Variants in CPED1 observed in about 807,000 individuals in gnomAD.
CPED1 encodes the protein cadherin-like and PC-esterase domain-containing protein 1.
A neutral mutation model predicts 128.2 loss-of-function variants in CPED1; 114 were observed. The observed-to-expected ratio is 0.89, with a 90% confidence interval of 0.76 to 1.04. The LOEUF (loss-of-function observed/expected upper bound fraction) is 1.04, where lower values mean the gene tolerates loss of function less well. Among genes scored for constraint, CPED1 ranks in the 50% least tolerant of loss-of-function variants. The pLI, the probability that CPED1 is intolerant of heterozygous loss-of-function variation, is 0.00. For synonymous variants in CPED1, 462 were observed against 426.7 expected, an observed-to-expected ratio of 1.08 and a Z score of -1.02; for missense variants, 1,211 against 1,207.1, an observed-to-expected ratio of 1.00 and a Z score of -0.05.
At chr7:121,260,148 A>G (rs1791978208) in intron 18 of CPED1, among the ~76,000 whole-genome samples, 1 of 150,454 alleles carries the variant, frequency 6.6e-6, no homozygotes, top group Non-Finnish European at 1.5e-5. Context: ...GATAATGGCA[A>G]TGTAGACAAA....
At chr7:121,238,465 T>C (rs944608044) in intron 17 of CPED1, among the ~76,000 whole-genome samples, 2 of 152,104 alleles carry the variant, frequency 1.3e-5, no homozygotes, top group Non-Finnish European at 2.9e-5. Context: ...ATGCTGGAAG[T>C]CCTCTCCGGG....
chr7:121,036,990 T>C (rs1043927555), intron 3 of CPED1, among the ~76,000 whole-genome samples: 4 of 152,152 alleles, frequency 2.6e-5, no homozygotes, highest in African/African-American at 9.7e-5. Flanking sequence ...TGGGACTGTT[T>C]GTTTTGGTCT....
intron 16 of CPED1, among the ~76,000 whole-genome samples, chr7:121,198,730 G>A (rs1248503963): frequency 6.6e-6 from 1 of 152,132 alleles, no homozygotes; most frequent in Non-Finnish European, 1.5e-5. Context: ...GTGGTTACAA[G>A]ATACCACGTG....
chr7:121,164,890 C>G (rs1796489283), intron 16 of CPED1, among the ~76,000 whole-genome samples: 16 of 152,186 alleles, frequency 1.1e-4, no homozygotes, highest in Admixed American at 1.0e-3. Flanking sequence ...CTTCCCAAAA[C>G]TTGACTTCTA....
In CPED1 at chr7:121,236,668, G is replaced by T. The variant is rs753650762; in HGVS notation, c.2056-46G>T. ...TATTTTTTAGATTTTATTATTATGG[G>T]TCAAGTTAATTAATACAACAACTAA... On this transcript the variant is annotated intron_variant, in intron 16 of 22. Transcript: ENST00000310396. 4 of 1,164,372 alleles carry T rather than the reference G, an allele frequency of 3.4e-6. No individual in the cohort carries two copies. The East Asian group carries it at 7.4e-5, about 21-fold the overall frequency. The allele number at this position is 1,164,372 out of a possible 1,614,324, so 72.1% of individuals were successfully genotyped here.
At chr7:121,092,691 G>A (rs1794601821) in intron 5 of CPED1, among the ~76,000 whole-genome samples, 2 of 152,150 alleles carry the variant, frequency 1.3e-5, no homozygotes, top group Admixed American at 1.3e-4. Flanking sequence ...ATAGTAGTTA[G>A]GGGGTAGGAG....
At chr7:121,156,795 T>TA (rs141337957) in intron 16 of CPED1, among the ~76,000 whole-genome samples, 2 of 151,960 alleles carry the variant, frequency 1.3e-5, no homozygotes, top group Non-Finnish European at 2.9e-5. Context: ...TTTGTCTAAA[T>TA]AAAAAAATTA....
chr7:121,047,092 G>C (rs1460869742), intron 4 of CPED1, 99 bp downstream of exon 4: 1 of 704,818 alleles, frequency 1.4e-6, no homozygotes, highest in Non-Finnish European at 2.4e-6. Context: ...AAGAATTAGA[G>C]TCATTGTATC....
intron 16 of CPED1, among the ~76,000 whole-genome samples, chr7:121,217,546 T>C (rs1309217114): frequency 6.6e-6 from 1 of 152,074 alleles, no homozygotes; most frequent in Non-Finnish European, 1.5e-5. Flanking sequence ...TATTAAAGCA[T>C]TAAATGGACT....
intron 16 of CPED1, among the ~76,000 whole-genome samples, chr7:121,226,458 A>T (rs946263299): frequency 6.6e-6 from 1 of 152,050 alleles, no homozygotes; most frequent in Admixed American, 6.6e-5. Context: ...GATTATCTGG[A>T]TGTAGCATAA....
chr7:121,023,967 C>T (rs1008661804), intron 3 of CPED1, among the ~76,000 whole-genome samples: 6 of 151,990 alleles, frequency 3.9e-5, no homozygotes, highest in South Asian at 2.1e-4. Flanking sequence ...AGGCTTTGGA[C>T]GGTATCAGAA....
At chr7:120,994,568 A>G (rs1796361500) in intron 2 of CPED1, among the ~76,000 whole-genome samples, 1 of 152,096 alleles carries the variant, frequency 6.6e-6, no homozygotes, top group African/African-American at 2.4e-5. Flanking sequence ...TATGCAAATA[A>G]GAAATGAAAT....
At chr7:121,030,878 T>A (rs1792710618) in intron 3 of CPED1, among the ~76,000 whole-genome samples, 1 of 152,228 alleles carries the variant, frequency 6.6e-6, no homozygotes, top group South Asian at 2.1e-4. Flanking sequence ...TGCATTGTTC[T>A]ATGCACTTTA....
chr7:121,288,932 A>G (rs1489446021), intron 22 of CPED1, among the ~76,000 whole-genome samples: 1 of 152,222 alleles, frequency 6.6e-6, no homozygotes, highest in East Asian at 1.9e-4. Flanking sequence ...AAGACTGCTC[A>G]CTAATCTTGC....
At chr7:121,251,415 A>C (rs1377108360) in intron 18 of CPED1, among the ~76,000 whole-genome samples, 1 of 152,190 alleles carries the variant, frequency 6.6e-6, no homozygotes, top group Non-Finnish European at 1.5e-5. Flanking sequence ...CAAGACAGGG[A>C]TGCCCTCTCT....
In CPED1 at chr7:121,015,595, G is replaced by T; in HGVS notation, c.250-70G>T. The T allele has an allele frequency of 2.2e-6, 3 of 1,342,654 alleles. No homozygotes were observed. In the South Asian group the frequency reaches 4.2e-5, roughly 19 times the overall value. The allele number at this position is 1,342,654 out of a possible 1,614,324, so 83.2% of individuals were successfully genotyped here. A position where few individuals can be genotyped will look rare whatever the true frequency, so the allele number is the denominator to read the frequency against. ...TAACTTCCCAAATAGCCCTTGATTT[G>T]CATTCATGATGTCCTTCAAGGGAAA... is the stretch of plus-strand genomic sequence containing the variant. On this transcript the variant is annotated intron_variant, in intron 2 of 22. Coordinates refer to ENST00000310396, the MANE Select transcript of CPED1 (RefSeq NM_024913.5).
chr7:121,035,666 C>T (rs557154974), intron 3 of CPED1, among the ~76,000 whole-genome samples: 3 of 151,772 alleles, frequency 2.0e-5, no homozygotes, highest in Non-Finnish European at 4.4e-5. Flanking sequence ...AGACCCCTGT[C>T]TCTACAAAAA....
At chr7:121,076,172 T>A (rs924005439) in intron 5 of CPED1, among the ~76,000 whole-genome samples, 14 of 152,210 alleles carry the variant, frequency 9.2e-5, no homozygotes, top group Non-Finnish European at 1.9e-4. Flanking sequence ...CAGAGAGTTT[T>A]GGCAATGCCT....
At chr7:121,229,502 G>A (rs377437262) in intron 16 of CPED1, among the ~76,000 whole-genome samples, 417 of 113,118 alleles carry the variant, frequency 3.7e-3, no homozygotes, top group Middle Eastern at 8.2e-3. Flanking sequence ...ATTGATTTTC[G>A]TAGTAGAAAT....
Sources: gnomAD v4.1 joint callset for allele counts (sites outside exome capture counted in the v4.1 genomes callset) on GRCh38, gnomAD v4.1.1 for gene constraint, MANE v1.5 for transcripts, NCBI Gene and HGNC (gene_info 2026-07-23, HGNC 2026-07-21) for gene names.